CYRIB: variants seen among roughly 807,000 people sequenced by gnomAD.
The protein encoded by CYRIB is CYFIP related Rac1 interactor B.
CYRIB carries 8 observed loss-of-function variants against 44.2 expected under a neutral mutation model. The ratio of observed to expected loss-of-function variants is 0.18; its 90% confidence interval spans 0.11 to 0.33. CYRIB has a LOEUF of 0.33. CYRIB is among the 10% of genes least tolerant of loss of function. CYRIB has a pLI of 1.00. For missense variants in CYRIB, 185 were observed against 382.8 expected, an observed-to-expected ratio of 0.48 and a Z score of 4.31; for synonymous variants, 131 against 127.2, an observed-to-expected ratio of 1.03 and a Z score of -0.20.
chr8:129,933,123 T>C (rs1009586021), intron 1 of CYRIB, among the ~76,000 whole-genome samples: 2 of 152,180 alleles, frequency 1.3e-5, no homozygotes, highest in African/African-American at 4.8e-5. Flanking sequence ...AATGATGACC[T>C]TGCTGCCAAC....
At chr8:129,855,278 C>G (rs2131803118) in intron 6 of CYRIB, among the ~76,000 whole-genome samples, 1 of 151,860 alleles carries the variant, frequency 6.6e-6, no homozygotes, top group East Asian at 1.9e-4. Context: ...GTAATCCCAG[C>G]TACTTGGGAG....
intron 1 of CYRIB, among the ~76,000 whole-genome samples, chr8:130,012,859 A>C (rs1189595553): frequency 6.6e-6 from 1 of 152,234 alleles, no homozygotes; most frequent in Non-Finnish European, 1.5e-5. Context: ...CCATTTTAAG[A>C]CTATCAAAGA....
intron 2 of CYRIB, among the ~76,000 whole-genome samples, chr8:129,898,934 G>A (rs2069843516): frequency 1.3e-5 from 2 of 151,592 alleles, no homozygotes; most frequent in Non-Finnish European, 2.9e-5. Flanking sequence ...GCAGGATCTC[G>A]GCTCACTGCA....
chr8:129,955,959 C>A lies in CYRIB; in HGVS notation c.-243+14984G>T, dbSNP rs1375183558. On this transcript the variant is annotated intron_variant, in intron 2 of 14. Transcript: ENST00000401979. ...GGTTATGCTGTGGTAACAAAGAACA[C>A]CTAAATCTCAGCCCTAAGGATGACC... is the stretch of plus-strand genomic sequence containing the variant. Among the ~76,000 whole-genome samples the A allele has an allele frequency of 3.9e-5, 6 of 152,258 alleles. No homozygotes were observed. In the East Asian group the frequency reaches 1.2e-3, roughly 29 times the overall value.
chr8:129,961,847 T>C (rs764319771), intron 2 of CYRIB, among the ~76,000 whole-genome samples: 4 of 152,168 alleles, frequency 2.6e-5, no homozygotes, highest in Non-Finnish European at 2.9e-5. Context: ...CTGGCAGACC[T>C]AGACTGAATT....
chr8:129,864,718 T>C, intron 4 of CYRIB: 1 of 320,582 alleles, frequency 3.1e-6, no homozygotes, highest in South Asian at 2.9e-5. Context: ...CTGTCCTTTA[T>C]GGTGGTAATC....
In CYRIB at chr8:129,889,122, T is replaced by G. The variant is rs1257249001; in HGVS notation, c.-10-9651A>C. On this transcript the variant is annotated intron_variant, in intron 2 of 11. Transcript: ENST00000519824. ...AATAAAAATAAAATCCTAGGACCCT[T>G]AAGAATTATACTACATCCACTCTGC... is the stretch of plus-strand genomic sequence containing the variant. Among the ~76,000 whole-genome samples the G allele has an allele frequency of 5.9e-5, 9 of 152,102 alleles. 1 individual carries two copies. The South Asian group carries it at 1.7e-3, about 28-fold the overall frequency.
Position 129,880,160 on chromosome 8 carries a change from G to A in CYRIB, c.-10-689C>T, listed in dbSNP as rs183786965. On this transcript the variant is annotated intron_variant, in intron 2 of 11. Coordinates refer to ENST00000519824, the Ensembl canonical transcript of CYRIB. The stretch of plus-strand genomic sequence containing the variant: ...TGCTTCATGGACTAATGAAAGGACA[G>A]CACTGGCTACACACTCAACATGATT... 3.3e-5 allele frequency among the ~76,000 whole-genome samples: 5 copies of A among 152,306 alleles called. No homozygotes were observed. The East Asian group carries it at 9.6e-4, about 29-fold the overall frequency.
intron 2 of CYRIB, among the ~76,000 whole-genome samples, chr8:129,946,810 T>A (rs1324609312): frequency 6.6e-6 from 1 of 152,150 alleles, no homozygotes; most frequent in Non-Finnish European, 1.5e-5. Context: ...TCAGGTGACC[T>A]GCAGGAAGAA....
At chr8:129,884,408 C>T (rs1027053600) in intron 2 of CYRIB, among the ~76,000 whole-genome samples, 22 of 152,094 alleles carry the variant, frequency 1.4e-4, no homozygotes, top group Non-Finnish European at 2.6e-4. Context: ...CCTGCCTCAG[C>T]CTCCTGAGTA....
Position 129,966,900 on chromosome 8 carries a change from G to T in CYRIB, c.-243+4043C>A, listed in dbSNP as rs187247122. Among the ~76,000 whole-genome samples, 634 of 152,122 alleles carry T rather than the reference G, an allele frequency of 4.2e-3. 5 individuals are homozygous for T. Among genetic ancestry groups the T allele is most frequent in the African/African-American group, 0.015 (612 of 41,500 alleles). ...TGTAGAAACAGGGTTTCGCCATGTT[G>T]CCCAGGCTGGTCTTAAACTCCTGAG... On this transcript the variant is annotated intron_variant, in intron 2 of 14. Coordinates refer to the CYRIB transcript ENST00000401979.
chr8:130,007,596 C>T (rs1012561219), intron 1 of CYRIB, among the ~76,000 whole-genome samples: 9 of 151,616 alleles, frequency 5.9e-5, no homozygotes, highest in African/African-American at 1.9e-4. Flanking sequence ...ACCAGCCTGC[C>T]CAACATGGTG....
intron 1 of CYRIB, among the ~76,000 whole-genome samples, chr8:130,005,238 G>A (rs920796376): frequency 4.3e-4 from 65 of 152,202 alleles, no homozygotes; most frequent in African/African-American, 1.3e-3. Flanking sequence ...TTGGGGGCAC[G>A]TGTCTGTCTG....
At chr8:129,882,894 T>G (rs1158574833) in intron 2 of CYRIB, among the ~76,000 whole-genome samples, 1 of 151,852 alleles carries the variant, frequency 6.6e-6, no homozygotes, top group Non-Finnish European at 1.5e-5. Context: ...ACACAAACAC[T>G]TAGTTTGAAA....
At chr8:129,873,284 G>GTAT (rs1371647019) in intron 3 of CYRIB, among the ~76,000 whole-genome samples, 1 of 151,832 alleles carries the variant, frequency 6.6e-6, no homozygotes, top group Non-Finnish European at 1.5e-5. Context: ...GGCTACAAAG[G>GTAT]TATTATCACT....
rs183712478 is a variant in CYRIB at position 129,856,872 on chromosome 8, C to G, written c.302-1125G>C. On this transcript the variant is annotated intron_variant, in intron 5 of 11. Coordinates refer to ENST00000519824, the Ensembl canonical transcript of CYRIB. ...GCCCTATTCTTTCTACCACAATAAA[C>G]TGTCTCTGAAATAAAGCAACATTGT... Among the ~76,000 whole-genome samples, 70 of 152,326 alleles carry G rather than the reference C, an allele frequency of 4.6e-4. No individual in the cohort carries two copies. In the South Asian group the frequency reaches 0.01, roughly 22 times the overall value.
intron 1 of CYRIB, among the ~76,000 whole-genome samples, chr8:129,911,043 G>A (rs2077745557): frequency 1.3e-5 from 2 of 152,058 alleles, no homozygotes; most frequent in Admixed American, 6.5e-5. Context: ...TTTCTATCAA[G>A]GCCTTATGTA....
At chr8:129,881,097 G>T (rs1450979293) in intron 2 of CYRIB, among the ~76,000 whole-genome samples, 1 of 152,070 alleles carries the variant, frequency 6.6e-6, no homozygotes, top group African/African-American at 2.4e-5. Flanking sequence ...CAGCAAACAG[G>T]GAGCCAGCAA....
exon 12 of CYRIB, chr8:129,841,890 C>T: frequency 2.6e-6 from 1 of 383,696 alleles, no homozygotes; most frequent in African/African-American, 2.0e-5. Flanking sequence ...CAGTAGAGAC[C>T]CCAATGCAAT....
Sources: gnomAD v4.1 joint callset for allele counts (sites outside exome capture counted in the v4.1 genomes callset) on GRCh38, gnomAD v4.1.1 for gene constraint, MANE v1.5 for transcripts, NCBI Gene and HGNC (gene_info 2026-07-23, HGNC 2026-07-21) for gene names.